The following NXPE3 variants were observed in gnomAD, a reference collection of about 807,000 sequenced individuals.
NXPE3 encodes neurexophilin and PC-esterase domain family member 3.
Under a neutral mutation model 46.1 loss-of-function variants are expected in NXPE3, and 26 were observed. The ratio of observed to expected loss-of-function variants is 0.56; its 90% CI spans 0.41 to 0.78. The LOEUF is 0.78. Ranked by LOEUF, NXPE3 falls within the 30% of genes least tolerant of loss-of-function variation. The pLI is 0.00. For missense variants in NXPE3, 620 were observed against 686.0 expected (o/e 0.90, Z 1.07); for synonymous variants, 272 against 257.9 (o/e 1.05, Z -0.52).
At chr3:101,788,723 C>A (rs1316164820) in intron 4 of NXPE3, among the ~76,000 whole-genome samples, 1 of 152,158 alleles carries the variant, frequency 6.6e-6, no homozygotes, top group African/African-American at 2.4e-5. Flanking sequence ...TCAAGTGATT[C>A]TCTTGCTTCA....
Position 101,826,093 on chromosome 3 carries a change from C to T in NXPE3, c.*4139C>T, listed in dbSNP as rs1942476189. 6.6e-6 allele frequency: 1 copy of T among 152,188 alleles called. No homozygotes were observed. The highest frequency in any genetic ancestry group is 6.5e-5 in the Admixed American group (1 of 15,272). 9.4% of individuals were successfully genotyped at this position (152,188 alleles called of 1,614,324 possible). A position where few individuals can be genotyped will look rare whatever the true frequency, so the allele number is the denominator to read the frequency against. ...TCAGTTATTAAGTTTCAGATTGAAACTTGATCCAGTTTAATAACTGAATCC... is the reference window on the plus strand; with the variant it reads ...TCAGTTATTAAGTTTCAGATTGAAATTTGATCCAGTTTAATAACTGAATCC... On this transcript the variant is annotated 3_prime_UTR_variant, in exon 8 of 8. Coordinates refer to ENST00000273347, the MANE Select transcript of NXPE3 (RefSeq NM_145037.4).
In NXPE3 at chr3:101,801,519, G is replaced by T; in HGVS notation, c.378G>T (p.Leu126=). The T allele has an allele frequency of 6.2e-7, 1 of 1,614,162 alleles. No homozygotes were observed. Among genetic ancestry groups the T allele is most frequent in the East Asian group, 2.2e-5 (1 of 44,884 alleles). The change falls in exon 5 of 8, where the codon CTG becomes CTT. Residue 126 remains leucine, a synonymous_variant. Transcript: ENST00000273347. ...AGGTGGGAAGCCAGCTTGAGGTGCT[G>T]GTTCATGTGCAGGATTTTCAAAGAA... ...FFKVGSQLEV[L]VHVQDFQRKP... is the part of the protein sequence containing the mutation.
intron 3 of NXPE3, among the ~76,000 whole-genome samples, 171 bp downstream of exon 3, chr3:101,782,951 C>A (rs1319077484): frequency 6.6e-6 from 1 of 151,964 alleles, no homozygotes; most frequent in African/African-American, 2.4e-5. Context: ...CCTGGCCCAG[C>A]TTTATTCTTT....
chr3:101,813,818 A>G (rs1341317642), intron 6 of NXPE3, among the ~76,000 whole-genome samples: 1 of 152,232 alleles, frequency 6.6e-6, no homozygotes, highest in Non-Finnish European at 1.5e-5. Flanking sequence ...CATGAACTGC[A>G]TTGTGAGTTC....
chr3:101,818,659 G>A (rs1942071936), intron 7 of NXPE3, among the ~76,000 whole-genome samples: 1 of 132,650 alleles, frequency 7.5e-6, no homozygotes, highest in Non-Finnish European at 1.6e-5. Context: ...GAGAAACCTG[G>A]AAATGCAAGG....
chr3:101,796,028 A>G lies in NXPE3; in HGVS notation c.94-5207A>G, dbSNP rs565176161. 5.9e-5 allele frequency among the ~76,000 whole-genome samples: 9 copies of G among 152,342 alleles called. No homozygotes were observed. In the South Asian group the frequency reaches 6.2e-4, roughly 11 times the overall value. On this transcript the variant is annotated intron_variant, in intron 4 of 7. Coordinates refer to ENST00000273347, the MANE Select transcript of NXPE3 (RefSeq NM_145037.4). ...AAGTACAATTCAAATAGCTGTTACC[A>G]AGGGGAATTAGTGGTGCCTGGATTT...
In NXPE3 at chr3:101,804,157, G is replaced by A. The variant is rs549666947; in HGVS notation, c.848+2168G>A. On this transcript the variant is annotated intron_variant, in intron 5 of 7. Transcript: ENST00000273347. ...TTGTTAACTATAATTGCCCTATAGA[G>A]TTACGTTGTCAGTCTACTTAGTGGC... 2.0e-5 allele frequency among the ~76,000 whole-genome samples: 3 copies of A among 152,266 alleles called. No individual in the cohort carries two copies. In the Middle Eastern group the frequency reaches 0.01, roughly 518 times the overall value.
At chr3:101,786,426 T>A (rs1436145042) in intron 4 of NXPE3, among the ~76,000 whole-genome samples, 1 of 152,228 alleles carries the variant, frequency 6.6e-6, no homozygotes, top group Non-Finnish European at 1.5e-5. Flanking sequence ...TTAAAAAAAT[T>A]TCTCCTGCTG....
At chr3:101,818,664 G>A (rs142528963) in intron 7 of NXPE3, among the ~76,000 whole-genome samples, 1 of 128,326 alleles carries the variant, frequency 7.8e-6, no homozygotes, top group Non-Finnish European at 1.6e-5. Context: ...ACCTGGAAAT[G>A]CAAGGAGAAA....
chr3:101,811,279 T>G (rs1269337549), intron 6 of NXPE3, among the ~76,000 whole-genome samples: 1 of 152,200 alleles, frequency 6.6e-6, no homozygotes, highest in African/African-American at 2.4e-5. Flanking sequence ...TTTAAGCTAC[T>G]AAGTTTGTGG....
At chr3:101,802,633 A>G (rs913846253) in intron 5 of NXPE3, among the ~76,000 whole-genome samples, 2 of 152,010 alleles carry the variant, frequency 1.3e-5, no homozygotes, top group South Asian at 4.1e-4. Context: ...GGTTGACTTA[A>G]TAAGCATAGG....
intron 4 of NXPE3, among the ~76,000 whole-genome samples, chr3:101,792,688 C>G: frequency 6.6e-6 from 1 of 152,194 alleles, no homozygotes; most frequent in East Asian, 1.9e-4. Flanking sequence ...AGTTTGAAGT[C>G]AGGTAACATG....
chr3:101,817,897 G>A (rs946904900), intron 7 of NXPE3, among the ~76,000 whole-genome samples: 9 of 151,890 alleles, frequency 5.9e-5, no homozygotes, highest in African/African-American at 2.2e-4. Flanking sequence ...TAGTTTTATT[G>A]ATTGATTGAT....
chr3:101,789,925 A>G (rs1445346890), intron 4 of NXPE3, among the ~76,000 whole-genome samples: 1 of 152,132 alleles, frequency 6.6e-6, no homozygotes, highest in Non-Finnish European at 1.5e-5. Context: ...TTCTGGACTC[A>G]AGCGATCCTC....
At chr3:101,817,573 T>C (rs1382510406) in intron 7 of NXPE3, among the ~76,000 whole-genome samples, 2 of 152,168 alleles carry the variant, frequency 1.3e-5, no homozygotes, top group East Asian at 1.9e-4. Context: ...CCAGCATTCT[T>C]AGCTTCTTGA....
At chr3:101,791,438 T>A (rs933136602) in intron 4 of NXPE3, among the ~76,000 whole-genome samples, 6 of 152,204 alleles carry the variant, frequency 3.9e-5, no homozygotes, top group Non-Finnish European at 8.8e-5. Flanking sequence ...TGGGCTGGAG[T>A]GCAATGGCAC....
At chr3:101,805,720 C>T (rs1312108089) in intron 5 of NXPE3, among the ~76,000 whole-genome samples, 2 of 152,056 alleles carry the variant, frequency 1.3e-5, no homozygotes, top group East Asian at 1.9e-4. Flanking sequence ...GGATTACAGG[C>T]GTAAGCCACC....
At chr3:101,796,559 G>C (rs1940840273) in intron 4 of NXPE3, among the ~76,000 whole-genome samples, 1 of 152,158 alleles carries the variant, frequency 6.6e-6, no homozygotes, top group Admixed American at 6.6e-5. Flanking sequence ...GGTCCTTAAT[G>C]GTGTGTCACA....
At chr3:101,780,789 T>G in intron 1 of NXPE3, among the ~76,000 whole-genome samples, 1 of 152,202 alleles carries the variant, frequency 6.6e-6, no homozygotes, top group East Asian at 1.9e-4. Flanking sequence ...CTATGTAACC[T>G]CCATGAATAC....
Sources: allele counts gnomAD v4.1 joint callset (sites outside exome capture counted in the v4.1 genomes callset), GRCh38; gene constraint gnomAD v4.1.1; transcripts MANE v1.5; gene names NCBI Gene and HGNC (gene_info 2026-07-23, HGNC 2026-07-21).